Variants in LONP1 observed in about 807,000 individuals in gnomAD.
The protein encoded by LONP1 is lon peptidase 1, mitochondrial.
A neutral mutation model predicts 98.5 loss-of-function variants in LONP1; 31 were observed. The ratio of observed to expected loss-of-function variants is 0.31; its 90% CI spans 0.24 to 0.42. The LOEUF is 0.42. Ranked by LOEUF, LONP1 falls within the 20% of genes least tolerant of loss-of-function variation. The pLI is 1.00. For missense variants in LONP1, 1,336 were observed against 1,350.6 expected (o/e 0.99, Z 0.17); for synonymous variants, 781 against 594.7 (o/e 1.31, Z -4.56).
At position 5,719,990 on chromosome 19, in the gene LONP1, G is replaced by A. The variant is rs1300699409; in HGVS notation, c.143C>T (p.Ala48Val). 4 of 1,581,826 alleles carry A rather than the reference G, an allele frequency of 2.5e-6. No homozygotes were observed. The highest frequency in any genetic ancestry group is 1.4e-5 in the African/African-American group (1 of 73,554). ...WLLRGQRTCD[A>V]SPPWALWGRG... Reference sequence around the variant, plus strand: ...GCCCCACAGTGCCCAAGGAGGAGAGGCGTCGCAGGTCCGCTGGCCTCGGAG... The same window carrying A: ...GCCCCACAGTGCCCAAGGAGGAGAGACGTCGCAGGTCCGCTGGCCTCGGAG... The change falls in exon 1 of 18, where the codon GCC becomes GTC. Residue 48 changes from alanine to valine, a missense_variant. This residue lies in a region of LONP1 where 457 missense variants were observed against 403.1 expected (regional missense o/e 1.13). Transcript: ENST00000360614.
chr19:5,710,454 G>GT (rs1461685584), intron 4 of LONP1, among the ~76,000 whole-genome samples: 1 of 151,938 alleles, frequency 6.6e-6, no homozygotes, highest in Non-Finnish European at 1.5e-5. Context: ...GGAGTGCAGT[G>GT]ATGCGATCAC....
chr19:5,692,657 C>T (rs1184499889), intron 17 of LONP1, among the ~76,000 whole-genome samples: 1 of 151,912 alleles, frequency 6.6e-6, no homozygotes, highest in Non-Finnish European at 1.5e-5. Flanking sequence ...AGCCCCACCA[C>T]AGCCCCTTGA....
At chr19:5,698,080 ACC>A (rs1426916554) in intron 10 of LONP1, among the ~76,000 whole-genome samples, 3 of 16,188 alleles carry the variant, frequency 1.9e-4, no homozygotes, top group Non-Finnish European at 3.8e-4. Context: ...CACACCCCCC[ACC>A]CCCTAGTCAA....
chr19:5,720,396 C>G (rs369451210), upstream of LONP1: 29 of 593,650 alleles, frequency 4.9e-5, no homozygotes, highest in African/African-American at 5.6e-4. Context: ...GTACAAAACA[C>G]TGGTAGTGTT....
At chr19:5,695,144 G>A (rs894872113) in intron 13 of LONP1, among the ~76,000 whole-genome samples, 3 of 152,058 alleles carry the variant, frequency 2.0e-5, no homozygotes, top group Non-Finnish European at 2.9e-5. Context: ...TATCTTAGAT[G>A]CCGCTTCCTC....
At chr19:5,702,138 G>A (rs1384207680) in intron 8 of LONP1, among the ~76,000 whole-genome samples, 20 of 142,962 alleles carry the variant, frequency 1.4e-4, no homozygotes, top group South Asian at 2.2e-4. Flanking sequence ...GCCTCTGCCC[G>A]GCCGCCCCTA....
intron 1 of LONP1, 142 bp downstream of exon 1, chr19:5,719,562 A>T (rs2055391414): frequency 4.7e-6 from 7 of 1,478,692 alleles, no homozygotes; most frequent in Middle Eastern, 4.8e-4. Flanking sequence ...AGTGGTGAGC[A>T]GACAAGGATT....
intron 8 of LONP1, 68 bp downstream of exon 8, chr19:5,705,704 G>A (rs974676759): frequency 2.0e-6 from 3 of 1,469,598 alleles, no homozygotes; most frequent in South Asian, 1.2e-5. Flanking sequence ...TGGGTCCCCT[G>A]GCCTGCCTAA....
At chr19:5,711,676 G>T in intron 4 of LONP1, 95 bp downstream of exon 4, 1 of 998,498 alleles carries the variant, frequency 1.0e-6, no homozygotes, top group Non-Finnish European at 1.5e-6. Flanking sequence ...AGGGGCTCAG[G>T]GTGGGAGATG....
chr19:5,708,260 T>C (rs1351826898), intron 5 of LONP1, 82 bp downstream of exon 5: 4 of 1,411,146 alleles, frequency 2.8e-6, no homozygotes, highest in African/African-American at 2.8e-5. Flanking sequence ...AGGAGGACGC[T>C]GAGGAAGCCC....
intron 4 of LONP1, chr19:5,709,012 C>CAAAAAA (rs34432915): frequency 1.3e-5 from 1 of 75,376 alleles, no homozygotes; most frequent in African/African-American, 5.4e-5. Flanking sequence ...GACTCTGTCT[C>CAAAAAA]AAAAAAAAAA....
At chr19:5,699,777 C>A (rs2055008603) in intron 9 of LONP1, among the ~76,000 whole-genome samples, 1 of 151,784 alleles carries the variant, frequency 6.6e-6, no homozygotes, top group Non-Finnish European at 1.5e-5. Flanking sequence ...TCAGGCTGGT[C>A]TCGAACTCCT....
rs553702430 is a variant in LONP1 at position 5,707,686 on chromosome 19, C to A, written c.1062+11G>T. 6.2e-7 allele frequency: 1 copy of A among 1,603,460 alleles called. No homozygotes were observed. On this transcript the variant is annotated intron_variant, in intron 6 of 17. Transcript: ENST00000360614. ...CAGGCGTGGGGGGCTGTGGAGGTGA[C>A]GAGCACTCACATTGGTCTCTTCCAG...
intron 6 of LONP1, among the ~76,000 whole-genome samples, chr19:5,707,479 G>T (rs964345862): frequency 2.0e-5 from 3 of 152,174 alleles, no homozygotes; most frequent in Non-Finnish European, 4.4e-5. Flanking sequence ...TGAAGCCACC[G>T]AAAGGCGGAT....
chr19:5,691,908 T>C lies in LONP1; in HGVS notation c.*124A>G. 1 of 1,112,848 alleles carries C rather than the reference T, an allele frequency of 9.0e-7. No homozygotes were observed. Among genetic ancestry groups the C allele is most frequent in the Non-Finnish European group, 1.3e-6 (1 of 784,876 alleles). 68.9% of individuals were successfully genotyped at this position (1,112,848 alleles called of 1,614,324 possible). A position where few individuals can be genotyped will look rare whatever the true frequency, so the allele number is the denominator to read the frequency against. ...TAAGCCGACTGAGGTCCCTGGGATC[T>C]GGGTCACTGGACCGAGCTGCTCGCT... On this transcript the variant is annotated 3_prime_UTR_variant, in exon 18 of 18. Transcript: ENST00000360614.
Position 5,702,472 on chromosome 19 carries a change from G to A in LONP1, c.1368-1545C>T, listed in dbSNP as rs373214300. Among the ~76,000 whole-genome samples, 949 of 149,498 alleles carry A rather than the reference G, an allele frequency of 6.3e-3. 13 individuals carry two copies. Among genetic ancestry groups the A allele is most frequent in the East Asian group, 0.014 (68 of 4,956 alleles). ...CTGCCTGGCCAGCCGCCCCCTCTGG[G>A]AGGGAGGAGTGGGGGTCAGCCCCCC... On this transcript the variant is annotated intron_variant, in intron 8 of 17. Coordinates refer to ENST00000360614, the MANE Select transcript of LONP1 (RefSeq NM_004793.4).
At chr19:5,692,338 C>T (rs1424885993) in intron 17 of LONP1, 130 bp from the exon 18 acceptor site, 2 of 825,902 alleles carry the variant, frequency 2.4e-6, no homozygotes, top group Admixed American at 2.9e-5. Context: ...GCAGTAAGTC[C>T]CAAAACCCAC....
rs748058020 is a variant in LONP1 at position 5,691,987 on chromosome 19, C to T, written c.*45G>A. ...GCTCCCCACAGCGCTCAGTTCTGGCCCAGACAGGGCCTGACATCCGCCGCC... is the reference window on the plus strand; with the variant it reads ...GCTCCCCACAGCGCTCAGTTCTGGCTCAGACAGGGCCTGACATCCGCCGCC... On this transcript the variant is annotated 3_prime_UTR_variant, in exon 18 of 18. Coordinates refer to ENST00000360614, the MANE Select transcript of LONP1 (RefSeq NM_004793.4). 5 of 1,586,006 alleles carry T rather than the reference C, an allele frequency of 3.2e-6. No individual in the cohort carries two copies. Among genetic ancestry groups the T allele is most frequent in the Non-Finnish European group, 4.3e-6 (5 of 1,165,298 alleles).
rs533953385 is a variant in LONP1, at chr19:5,707,683, T to G, written c.1062+14A>C. 1 of 1,601,266 alleles carries G rather than the reference T, an allele frequency of 6.2e-7. No homozygotes were observed. Among genetic ancestry groups the G allele is most frequent in the African/African-American group, 1.3e-5 (1 of 74,744 alleles). On this transcript the variant is annotated intron_variant, in intron 6 of 17. Transcript: ENST00000360614. ...AGCCAGGCGTGGGGGGCTGTGGAGG[T>G]GACGAGCACTCACATTGGTCTCTTC...
Sources: allele counts gnomAD v4.1 joint callset (sites outside exome capture counted in the v4.1 genomes callset), GRCh38; gene constraint gnomAD v4.1.1; regional missense constraint gnomAD v4.1.1; transcripts MANE v1.5; gene names NCBI Gene and HGNC (gene_info 2026-07-23, HGNC 2026-07-21).